Variants in HECW1 observed in about 807,000 individuals in gnomAD.
HECW1 encodes HECT, C2 and WW domain containing E3 ubiquitin protein ligase 1.
In HECW1, 61 loss-of-function variants were observed where a neutral mutation model predicts 182.3. The observed-to-expected ratio is 0.33, with a 90% CI of 0.27 to 0.41. The LOEUF (loss-of-function observed/expected upper bound fraction) is 0.41. Ranked by LOEUF, HECW1 falls within the 10% of genes least tolerant of loss-of-function variation. HECW1 has a pLI of 1.00. For missense variants in HECW1, 1,739 were observed against 2,108.9 expected (o/e 0.82, Z 3.44); for synonymous variants, 859 against 832.6 (o/e 1.03, Z -0.55).
chr7:43,497,227 G>A (rs1332869880), intron 19 of HECW1, among the ~76,000 whole-genome samples: 1 of 152,138 alleles, frequency 6.6e-6, no homozygotes, highest in Non-Finnish European at 1.5e-5. Flanking sequence ...GGAGATCAGG[G>A]AGAGAGTATG....
At chr7:43,171,013 T>C (rs891503882) in intron 2 of HECW1, among the ~76,000 whole-genome samples, 3 of 152,198 alleles carry the variant, frequency 2.0e-5, no homozygotes, top group African/African-American at 7.2e-5. Context: ...CAGTCGCATT[T>C]TCGCTTCCTT....
intron 2 of HECW1, among the ~76,000 whole-genome samples, chr7:43,188,529 G>A (rs12702023): frequency 0.24 from 36,701 of 152,032 alleles, 4,626 homozygotes; most frequent in Middle Eastern, 0.27. Context: ...ATACTGTCTC[G>A]GTCAGCACTG....
At chr7:43,125,547 G>A (rs1786119395) in intron 2 of HECW1, among the ~76,000 whole-genome samples, 2 of 151,934 alleles carry the variant, frequency 1.3e-5, no homozygotes, top group African/African-American at 4.8e-5. Context: ...ACAAGGTCAG[G>A]AGTTCGAGAC....
At chr7:43,417,133 C>T (rs955473663) in intron 8 of HECW1, among the ~76,000 whole-genome samples, 1 of 152,200 alleles carries the variant, frequency 6.6e-6, no homozygotes, top group African/African-American at 2.4e-5. Flanking sequence ...TCACTGCAAC[C>T]TCCACCTCCT....
At chr7:43,274,821 A>T (rs1414471983) in intron 3 of HECW1, among the ~76,000 whole-genome samples, 1 of 152,272 alleles carries the variant, frequency 6.6e-6, no homozygotes, top group African/African-American at 2.4e-5. Flanking sequence ...AACTTTAAAA[A>T]GACTGTGAAA....
intron 7 of HECW1, among the ~76,000 whole-genome samples, chr7:43,406,529 T>C (rs2075615553): frequency 6.6e-6 from 1 of 152,232 alleles, no homozygotes; most frequent in African/African-American, 2.4e-5. Flanking sequence ...TGGGAATCCC[T>C]GATCCTGTGT....
intron 11 of HECW1, among the ~76,000 whole-genome samples, chr7:43,447,102 A>G (rs1430065479): frequency 2.0e-5 from 3 of 152,180 alleles, no homozygotes; most frequent in East Asian, 3.8e-4. Context: ...GAAGAGCCAG[A>G]TAGTAAATAC....
At chr7:43,488,483 AG>A (rs2078797863) in intron 17 of HECW1, among the ~76,000 whole-genome samples, 1 of 148,966 alleles carries the variant, frequency 6.7e-6, no homozygotes, top group Non-Finnish European at 1.5e-5. Flanking sequence ...AAAGAAAGAA[AG>A]AAAGAGAAAG....
chr7:43,509,181 T>G (rs1194350757), intron 24 of HECW1, 60 bp downstream of exon 24: 2 of 1,555,660 alleles, frequency 1.3e-6, no homozygotes, highest in African/African-American at 2.7e-5. Flanking sequence ...TTAGTCAGAA[T>G]TCAGCAGCAT....
Position 43,445,031 on chromosome 7 carries a change from C to T in HECW1, c.1859C>T (p.Pro620Leu), listed in dbSNP as rs1408800399. 1 of 1,566,014 alleles carries T rather than the reference C, an allele frequency of 6.4e-7. No homozygotes were observed. Among genetic ancestry groups the T allele is most frequent in the East Asian group, 2.3e-5 (1 of 44,336 alleles). Residue 620 changes from proline to leucine, a missense_variant, in exon 11 of 30, where the codon CCC becomes CTC. Physicochemically the swap from Pro to Leu is moderately conservative, Grantham distance 98. Coordinates refer to ENST00000395891, the MANE Select transcript of HECW1 (RefSeq NM_015052.5). ...GCCCTGGAAGAGGACAGAGAAGAGCCCGAGGGGGCTACTCCAGGCACGGCG... is the reference window on the plus strand; with the variant it reads ...GCCCTGGAAGAGGACAGAGAAGAGCTCGAGGGGGCTACTCCAGGCACGGCG... ...PSALEEDREEPEGATPGTAHP... is the reference protein window; with the variant it reads ...PSALEEDREELEGATPGTAHP...
intron 2 of HECW1, among the ~76,000 whole-genome samples, chr7:43,219,314 A>T (rs1460346890): frequency 6.6e-6 from 1 of 152,112 alleles, no homozygotes; most frequent in Non-Finnish European, 1.5e-5. Context: ...CTGGACAAGA[A>T]ATGTTTCTGG....
chr7:43,405,003 C>G (rs1463188789), intron 7 of HECW1, among the ~76,000 whole-genome samples: 6 of 152,102 alleles, frequency 3.9e-5, no homozygotes, highest in Non-Finnish European at 8.8e-5. Flanking sequence ...AAAACAAAAG[C>G]ACAGACTTTG....
intron 2 of HECW1, among the ~76,000 whole-genome samples, chr7:43,139,060 G>C (rs936530117): frequency 6.6e-6 from 1 of 152,058 alleles, no homozygotes; most frequent in Non-Finnish European, 1.5e-5. Flanking sequence ...CACATCCTTC[G>C]TGCCATTTTA....
intron 2 of HECW1, among the ~76,000 whole-genome samples, chr7:43,187,672 T>C (rs1793539486): frequency 6.6e-6 from 1 of 152,172 alleles, no homozygotes; most frequent in Non-Finnish European, 1.5e-5. Context: ...TTAACCGTGA[T>C]AATCTTTAAA....
intron 2 of HECW1, among the ~76,000 whole-genome samples, chr7:43,149,165 G>C (rs1288581654): frequency 6.6e-6 from 1 of 152,028 alleles, no homozygotes; most frequent in Non-Finnish European, 1.5e-5. Context: ...AATACGTATT[G>C]ATTACAAAGA....
At chr7:43,278,192 A>G (rs1000033341) in intron 3 of HECW1, among the ~76,000 whole-genome samples, 2 of 152,066 alleles carry the variant, frequency 1.3e-5, no homozygotes, top group Non-Finnish European at 2.9e-5. Context: ...TCTCAAACTT[A>G]AAATATTCCA....
intron 5 of HECW1, among the ~76,000 whole-genome samples, chr7:43,349,908 C>T (rs1428147817): frequency 6.6e-6 from 1 of 151,976 alleles, no homozygotes; most frequent in Non-Finnish European, 1.5e-5. Context: ...TGCCTGTGTA[C>T]TTTGTTTTTG....
intron 3 of HECW1, among the ~76,000 whole-genome samples, chr7:43,247,172 G>A (rs1799452941): frequency 6.6e-6 from 1 of 152,312 alleles, no homozygotes; most frequent in Admixed American, 6.5e-5. Context: ...ACAATGCCAA[G>A]GTGTGATCCT....
chr7:43,370,547 A>G (rs1817206608), intron 6 of HECW1, among the ~76,000 whole-genome samples: 1 of 152,226 alleles, frequency 6.6e-6, no homozygotes, highest in African/African-American at 2.4e-5. Flanking sequence ...AAACATCTTC[A>G]CATGTTTACA....
Sources: gnomAD v4.1 joint callset for allele counts (sites outside exome capture counted in the v4.1 genomes callset) on GRCh38, gnomAD v4.1.1 for gene constraint, MANE v1.5 for transcripts, NCBI Gene and HGNC (gene_info 2026-07-23, HGNC 2026-07-21) for gene names.